The following TRAPPC9 variants were observed in gnomAD, a reference collection of about 807,000 sequenced individuals.
TRAPPC9 encodes IKK2 binding protein.
TRAPPC9 carries 83 observed loss-of-function variants against 124.0 expected under a neutral mutation model. That is an observed-to-expected ratio of 0.67 (90% CI 0.56 to 0.80). The LOEUF is 0.80. Among genes scored for constraint, TRAPPC9 ranks in the 30% least tolerant of loss-of-function variants. The probability of loss-of-function intolerance (pLI) is 0.00; values close to 1 mark genes in which losing one functional copy is unlikely to be tolerated. For missense variants in TRAPPC9, 1,302 were observed against 1,508.3 expected (o/e 0.86, Z 2.27); for synonymous variants, 638 against 617.5 (o/e 1.03, Z -0.49).
intron 19 of TRAPPC9, among the ~76,000 whole-genome samples, chr8:139,938,935 G>A (rs893179844): frequency 2.6e-5 from 4 of 152,218 alleles, no homozygotes; most frequent in African/African-American, 4.8e-5. Context: ...GTGAGCCACC[G>A]CGCCCGGCCC....
intron 5 of TRAPPC9, among the ~76,000 whole-genome samples, chr8:140,415,824 C>A (rs1237858841): frequency 6.6e-6 from 1 of 151,924 alleles, no homozygotes; most frequent in Non-Finnish European, 1.5e-5. Context: ...AAAAAGTAGG[C>A]AGGCATGGTG....
intron 17 of TRAPPC9, among the ~76,000 whole-genome samples, chr8:140,200,909 G>GT (rs1563840814): frequency 1.3e-5 from 2 of 152,188 alleles, no homozygotes; most frequent in Non-Finnish European, 2.9e-5. Context: ...TGATATGAGG[G>GT]ATACATGGGA....
intron 21 of TRAPPC9, among the ~76,000 whole-genome samples, chr8:139,846,693 C>T (rs1355355755): frequency 2.0e-5 from 3 of 152,234 alleles, no homozygotes; most frequent in African/African-American, 7.2e-5. Flanking sequence ...ACATTCAAAA[C>T]TCTGACAGAC....
At chr8:139,953,498 A>C (rs569791264) in intron 19 of TRAPPC9, among the ~76,000 whole-genome samples, 202 of 152,348 alleles carry the variant, frequency 1.3e-3, no homozygotes, top group African/African-American at 4.6e-3. Context: ...TCTCAAAAAA[A>C]ATGTGTAGAA....
chr8:140,036,415 T>G (rs1840883449), intron 17 of TRAPPC9, among the ~76,000 whole-genome samples: 1 of 152,012 alleles, frequency 6.6e-6, no homozygotes, highest in Admixed American at 6.5e-5. Flanking sequence ...ACATCAGAGC[T>G]GACCGACGGT....
At chr8:140,437,522 G>A (rs2070861093) in intron 3 of TRAPPC9, among the ~76,000 whole-genome samples, 1 of 152,196 alleles carries the variant, frequency 6.6e-6, no homozygotes, top group Non-Finnish European at 1.5e-5. Flanking sequence ...TACTCGGAAG[G>A]CTGAGGCAGG....
At chr8:140,363,278 C>G (rs571525203) in intron 8 of TRAPPC9, among the ~76,000 whole-genome samples, 1 of 152,340 alleles carries the variant, frequency 6.6e-6, no homozygotes, top group African/African-American at 2.4e-5. Context: ...ACACACAGCA[C>G]ACATCAGTGT....
At chr8:139,824,130 A>G (rs1825459725) in intron 21 of TRAPPC9, among the ~76,000 whole-genome samples, 1 of 152,232 alleles carries the variant, frequency 6.6e-6, no homozygotes, top group South Asian at 2.1e-4. Context: ...CAAGGGAGAA[A>G]GCAGACTCAA....
At chr8:139,835,194 G>T (rs1206062313) in intron 21 of TRAPPC9, among the ~76,000 whole-genome samples, 2 of 152,180 alleles carry the variant, frequency 1.3e-5, no homozygotes, top group Non-Finnish European at 1.5e-5. Flanking sequence ...GGAGGCAATA[G>T]GGGTGAAAGC....
chr8:139,980,421 C>T (rs1836811623), intron 19 of TRAPPC9, among the ~76,000 whole-genome samples: 1 of 152,182 alleles, frequency 6.6e-6, no homozygotes, highest in South Asian at 2.1e-4. Flanking sequence ...GGTCCGGTCA[C>T]CTCCACAAGA....
intron 17 of TRAPPC9, among the ~76,000 whole-genome samples, chr8:140,074,437 T>C (rs1843373811): frequency 6.6e-6 from 1 of 152,166 alleles, no homozygotes; most frequent in Admixed American, 6.5e-5. Context: ...CTCTTCCTCA[T>C]CTCCAAAAGG....
At chr8:140,030,971 G>A (rs1240015569) in intron 17 of TRAPPC9, among the ~76,000 whole-genome samples, 1 of 152,182 alleles carries the variant, frequency 6.6e-6, no homozygotes, top group Non-Finnish European at 1.5e-5. Context: ...TCATCAAACT[G>A]TATGGTTAAT....
intron 9 of TRAPPC9, among the ~76,000 whole-genome samples, chr8:140,344,795 T>G (rs1334814421): frequency 1.3e-5 from 2 of 152,180 alleles, no homozygotes; most frequent in Admixed American, 1.3e-4. Flanking sequence ...CAGGTGGACC[T>G]GGGAGGCCTC....
intron 17 of TRAPPC9, among the ~76,000 whole-genome samples, chr8:140,108,035 A>G (rs954317416): frequency 4.0e-5 from 6 of 151,402 alleles, no homozygotes; most frequent in Admixed American, 4.0e-4. Flanking sequence ...ACGTGTGTTT[A>G]TACATAGACA....
intron 2 of TRAPPC9, among the ~76,000 whole-genome samples, chr8:140,448,828 G>A (rs1353544001): frequency 6.6e-6 from 1 of 152,210 alleles, no homozygotes; most frequent in Non-Finnish European, 1.5e-5. Flanking sequence ...AAAGGCCCCG[G>A]GCCTCAGAGA....
Position 139,831,356 on chromosome 8 carries a change from G to A in TRAPPC9, c.3055+54523C>T, listed in dbSNP as rs374382794. Among the ~76,000 whole-genome samples, 22 of 152,260 alleles carry A rather than the reference G, an allele frequency of 1.4e-4. No individual in the cohort carries two copies. The East Asian group carries it at 3.7e-3, about 25-fold the overall frequency. On this transcript the variant is annotated intron_variant, in intron 21 of 22. Transcript: ENST00000438773. Reference sequence around the variant, plus strand: ...GGGCAAGAGACTCTCCCAGCCATCAGTGAGGTTTCTTGATATTTGATCCTA... The same window carrying A: ...GGGCAAGAGACTCTCCCAGCCATCAATGAGGTTTCTTGATATTTGATCCTA...
rs981415447 is a variant in TRAPPC9, at chr8:140,457,720, A to G, written c.-92T>C. The G allele has an allele frequency of 4.0e-6, 4 of 989,942 alleles. No individual in the cohort carries two copies. The highest frequency in any genetic ancestry group is 2.3e-4 in the East Asian group (2 of 8,796). 61.3% of individuals were successfully genotyped at this position (989,942 alleles called of 1,614,324 possible). ...CGAGCAGCCTCTGCGGCCACTTCCC[A>G]GGCTCTGGGCTGGCGCTTCCTACTG... On this transcript the variant is annotated 5_prime_UTR_variant, in exon 1 of 23. Coordinates refer to ENST00000438773, the MANE Select transcript of TRAPPC9 (RefSeq NM_001160372.4).
At chr8:140,051,057 A>C (rs1036973814) in intron 17 of TRAPPC9, among the ~76,000 whole-genome samples, 2 of 152,256 alleles carry the variant, frequency 1.3e-5, no homozygotes, top group Non-Finnish European at 2.9e-5. Flanking sequence ...ATTCCGTACA[A>C]GGAATTAACA....
At position 139,825,179 on chromosome 8, in the gene TRAPPC9, T is replaced by C. The variant is rs545994640; in HGVS notation, c.3055+60700A>G. Among the ~76,000 whole-genome samples the C allele has an allele frequency of 4.6e-5, 7 of 152,192 alleles. No homozygotes were observed. Among genetic ancestry groups the C allele is most frequent in the Non-Finnish European group, 8.8e-5 (6 of 67,996 alleles). ...GGTCTGAGAAGGTCTTACTGAGGCA[T>C]GGGGTGGCCTCAAGGCAGAGCTAGA... On this transcript the variant is annotated intron_variant, in intron 21 of 22. Transcript: ENST00000438773. This position sits in a 1 kb window ranked among gnomAD's most constrained non-coding sequence, Gnocchi z 4.6.
Sources: gnomAD v4.1 joint callset for allele counts (sites outside exome capture counted in the v4.1 genomes callset) on GRCh38, gnomAD v4.1.1 for gene constraint, Gnocchi (gnomAD v3.1) non-coding constraint, MANE v1.5 for transcripts, NCBI Gene and HGNC (gene_info 2026-07-23, HGNC 2026-07-21) for gene names.